VWA5B1: variants seen among roughly 807,000 people sequenced by gnomAD.
VWA5B1 encodes von Willebrand factor A domain-containing protein 5B1.
VWA5B1 carries 115 observed loss-of-function variants against 118.2 expected under a neutral mutation model. That is an observed-to-expected ratio of 0.97 (90% CI 0.84 to 1.14). VWA5B1 has a LOEUF of 1.14. Among genes scored for constraint, VWA5B1 ranks in the 50% most tolerant of loss-of-function variants. The pLI, the probability that VWA5B1 is intolerant of heterozygous loss-of-function variation, is 0.00. For missense variants in VWA5B1, 1,596 were observed against 1,603.8 expected (o/e 1.00, Z 0.08); for synonymous variants, 682 against 658.4 (o/e 1.04, Z -0.55).
Position 20,317,628 on chromosome 1 carries a change from A to T in VWA5B1, c.662A>T (p.Tyr221Phe). 1 of 1,551,684 alleles carries T rather than the reference A, an allele frequency of 6.4e-7. No individual in the cohort carries two copies. Among genetic ancestry groups the T allele is most frequent in the Non-Finnish European group, 8.7e-7 (1 of 1,146,934 alleles). ...ACCGAAGTGTCCAACCCCATGGAGT[A>T]TGAGTTCAACTTCCAGCTGGAGATC... ...LNTEVSNPME[Y>F]EFNFQLEIRG... The change falls in exon 5 of 22, where the codon TAT becomes TTT. Residue 221 changes from tyrosine (Y) to phenylalanine (F), a missense_variant. Physicochemically the swap from Tyr to Phe is conservative, Grantham distance 22 (BLOSUM62 3). Transcript: ENST00000289815.
chr1:20,332,897 G>A lies in VWA5B1; in HGVS notation c.1704G>A (p.Leu568=), dbSNP rs1315241207. 1 of 1,551,768 alleles carries A rather than the reference G, an allele frequency of 6.4e-7. No homozygotes were observed. The highest frequency in any genetic ancestry group is 8.7e-7 in the Non-Finnish European group (1 of 1,147,036). The change falls in exon 12 of 22, where the codon CTG becomes CTA. Residue 568 remains leucine (L), a synonymous_variant. Transcript: ENST00000289815. The stretch of plus-strand genomic sequence containing the variant: ...GCTCCCTCTTCCCTGGAGAACGGCT[G>A]GTGGGGTATGGCATTGTATGTGATG... ...SASSLFPGER[L]VGYGIVCDAS...
At chr1:20,330,049 G>T in intron 9 of VWA5B1, 131 bp from the exon 10 acceptor site, 1 of 1,011,904 alleles carries the variant, frequency 9.9e-7, no homozygotes, top group Non-Finnish European at 1.5e-6. Flanking sequence ...TGTGGGCAGG[G>T]ATGAAATTGG....
chr1:20,299,548 C>T (rs1473503090), intron 1 of VWA5B1, among the ~76,000 whole-genome samples: 4 of 152,160 alleles, frequency 2.6e-5, no homozygotes, highest in Non-Finnish European at 5.9e-5. Context: ...GGACTACAGG[C>T]GCCTGAAGCC....
intron 8 of VWA5B1, among the ~76,000 whole-genome samples, chr1:20,326,320 C>T (rs906905752): frequency 2.0e-5 from 3 of 152,012 alleles, no homozygotes; most frequent in South Asian, 4.1e-4. Context: ...TGAAGGATGA[C>T]GGCTTCCCTG....
Position 20,343,132 on chromosome 1 carries a change from C to G in VWA5B1, c.2365C>G (p.Pro789Ala). The G allele has an allele frequency of 6.5e-7, 1 of 1,543,994 alleles. No individual in the cohort carries two copies. The highest frequency in any genetic ancestry group is 2.0e-5 in the Admixed American group (1 of 50,710). The change falls in exon 16 of 22, where the codon CCC becomes GCC. Residue 789 changes from proline (P) to alanine (A), a missense_variant. By Grantham distance (27) the Pro-to-Ala change is conservative (BLOSUM62 -1). Transcript: ENST00000289815. ...GACAGAGACGTCCTCGGACTGGGAC[C>G]CCCCAGCCGAGTCCCAGGAGCGAGC... ...FETETSSDWDPPAESQERASP... is the reference protein window; with the variant it reads ...FETETSSDWDAPAESQERASP...
At chr1:20,330,051 T>G in intron 9 of VWA5B1, 129 bp from the exon 10 acceptor site, 1 of 1,038,596 alleles carries the variant, frequency 9.6e-7, no homozygotes, top group Non-Finnish European at 1.4e-6. Flanking sequence ...TGGGCAGGGA[T>G]GAAATTGGGA....
chr1:20,318,102 A>G (rs888446457), intron 5 of VWA5B1, among the ~76,000 whole-genome samples: 2 of 150,500 alleles, frequency 1.3e-5, no homozygotes, highest in Non-Finnish European at 3.0e-5. Context: ...TTCCCAGGAG[A>G]TTCTAACATG....
chr1:20,318,847 G>T (rs762887405), intron 6 of VWA5B1, 126 bp downstream of exon 6: 11 of 1,371,530 alleles, frequency 8.0e-6, no homozygotes, highest in Non-Finnish European at 1.0e-5. Flanking sequence ...GGGGTGGGGG[G>T]TGTGGCCAAG....
chr1:20,342,192 G>T (rs956445056), intron 14 of VWA5B1, among the ~76,000 whole-genome samples: 1 of 151,508 alleles, frequency 6.6e-6, no homozygotes, highest in African/African-American at 2.4e-5. Flanking sequence ...GGCTTTCCAT[G>T]GTTTGGGATT....
chr1:20,305,352 C>T (rs1043687863), intron 1 of VWA5B1, among the ~76,000 whole-genome samples: 2 of 152,034 alleles, frequency 1.3e-5, no homozygotes, highest in Admixed American at 1.3e-4. Context: ...GTTGTTGATG[C>T]ACTGTTCCCA....
chr1:20,344,377 G>T (rs1253770355), intron 16 of VWA5B1, among the ~76,000 whole-genome samples: 1 of 152,160 alleles, frequency 6.6e-6, no homozygotes, highest in East Asian at 1.9e-4. Flanking sequence ...ATTTACTGTG[G>T]ATCTGCTGGG....
At chr1:20,314,212 C>A in intron 3 of VWA5B1, 110 bp from the exon 4 acceptor site, 1 of 1,157,688 alleles carries the variant, frequency 8.6e-7, no homozygotes, top group Non-Finnish European at 1.2e-6. Context: ...TCAAGCTGAG[C>A]CTTGATTTTC....
In VWA5B1 at chr1:20,307,094, C is replaced by T. The variant is rs559335073; in HGVS notation, c.-26-3482C>T. On this transcript the variant is annotated intron_variant, in intron 1 of 21. Transcript: ENST00000289815. The stretch of plus-strand genomic sequence containing the variant: ...ATGTAGCATCCCAAAAGTCAAGGAA[C>T]TGGACAAAGACACGCTGTGTGGCAC... 7.2e-5 allele frequency among the ~76,000 whole-genome samples: 11 copies of T among 152,286 alleles called. 1 individual carries two copies. The South Asian group carries it at 2.3e-3, about 32-fold the overall frequency.
Position 20,354,644 on chromosome 1 carries a change from C to A in VWA5B1, c.*381C>A. On this transcript the variant is annotated 3_prime_UTR_variant, in exon 22 of 22. Transcript: ENST00000289815. ...GCCTGAGCCCTGTCTGGAGGTAGACCACGTGGGCACGGAGTGGACACAGCA... is the reference window on the plus strand; with the variant it reads ...GCCTGAGCCCTGTCTGGAGGTAGACAACGTGGGCACGGAGTGGACACAGCA... 2 of 251,664 alleles carry A rather than the reference C, an allele frequency of 7.9e-6. No homozygotes were observed. Among genetic ancestry groups the A allele is most frequent in the Non-Finnish European group, 7.7e-6 (1 of 130,676 alleles). 15.6% of individuals were successfully genotyped at this position (251,664 alleles called of 1,614,324 possible). A position where few individuals can be genotyped will look rare whatever the true frequency, so the allele number is the denominator to read the frequency against.
intron 16 of VWA5B1, among the ~76,000 whole-genome samples, chr1:20,344,006 C>T (rs1475686882): frequency 6.9e-6 from 1 of 145,718 alleles, no homozygotes; most frequent in Non-Finnish European, 1.5e-5. Flanking sequence ...TCCCCCACTC[C>T]ACCTCACACC....
intron 1 of VWA5B1, among the ~76,000 whole-genome samples, chr1:20,306,251 C>A (rs934150904): frequency 1.3e-5 from 2 of 151,712 alleles, no homozygotes; most frequent in African/African-American, 4.8e-5. Flanking sequence ...GGTGAGGGAG[C>A]GAGCCATGAG....
At chr1:20,300,376 G>A (rs1275192205) in intron 1 of VWA5B1, among the ~76,000 whole-genome samples, 1 of 152,130 alleles carries the variant, frequency 6.6e-6, no homozygotes, top group East Asian at 1.9e-4. Context: ...GAGATGGGTG[G>A]CATGAATTCT....
At chr1:20,341,764 G>A (rs1437521452) in intron 14 of VWA5B1, among the ~76,000 whole-genome samples, 1 of 152,152 alleles carries the variant, frequency 6.6e-6, no homozygotes, top group Non-Finnish European at 1.5e-5. Context: ...AGAATAGATA[G>A]ATTAAATCAA....
At chr1:20,350,759 A>ACCTGC in intron 19 of VWA5B1, 98 bp from the exon 20 acceptor site, 1 of 1,159,742 alleles carries the variant, frequency 8.6e-7, no homozygotes. Flanking sequence ...TTAGCTAAGC[A>ACCTGC]CCTGCCCCTC....
Sources: gnomAD v4.1 joint callset for allele counts (sites outside exome capture counted in the v4.1 genomes callset) on GRCh38, gnomAD v4.1.1 for gene constraint, MANE v1.5 for transcripts, NCBI Gene and HGNC (gene_info 2026-07-23, HGNC 2026-07-21) for gene names.